The following CACNA2D1 variants were observed in gnomAD, a reference collection of about 807,000 sequenced individuals.
CACNA2D1 encodes the protein calcium voltage-gated channel auxiliary subunit alpha2delta 1.
Under a neutral mutation model 171.5 loss-of-function variants are expected in CACNA2D1, and 53 were observed. That is an observed-to-expected ratio of 0.31 (90% confidence interval 0.25 to 0.39). The LOEUF is 0.39. Among genes scored for constraint, CACNA2D1 ranks in the 10% least tolerant of loss-of-function variants. The probability of loss-of-function intolerance (pLI) is 1.00; values close to 1 mark genes in which losing one functional copy is unlikely to be tolerated. For missense variants in CACNA2D1, 903 were observed against 1,299.8 expected, an observed-to-expected ratio of 0.69 and a Z score of 4.69; for synonymous variants, 442 against 443.1, an observed-to-expected ratio of 1.00 and a Z score of 0.03.
intron 26 of CACNA2D1, 115 bp from the exon 27 acceptor site, chr7:81,970,852 A>G (rs566275476): frequency 6.8e-6 from 5 of 738,998 alleles, no homozygotes; most frequent in Non-Finnish European, 1.3e-5. Flanking sequence ...ATATATCAAT[A>G]GATACACAAC....
intron 3 of CACNA2D1, among the ~76,000 whole-genome samples, chr7:82,202,627 G>A (rs1296032483): frequency 1.3e-5 from 2 of 151,692 alleles, no homozygotes; most frequent in Admixed American, 6.6e-5. Context: ...TACACACTCA[G>A]CCCCTGAGGG....
chr7:82,104,162 A>G (rs1249775794), intron 6 of CACNA2D1, among the ~76,000 whole-genome samples: 2 of 152,076 alleles, frequency 1.3e-5, no homozygotes, highest in Admixed American at 1.3e-4. Flanking sequence ...AATTAATTGT[A>G]TAATTCATCA....
At chr7:82,314,727 G>A (rs915010227) in intron 3 of CACNA2D1, among the ~76,000 whole-genome samples, 6 of 151,548 alleles carry the variant, frequency 4.0e-5, no homozygotes, top group Non-Finnish European at 8.8e-5. Flanking sequence ...CTTCTCTCCG[G>A]ACTAAAAAAA....
chr7:82,066,352 T>C, intron 8 of CACNA2D1, 103 bp downstream of exon 8: 1 of 1,415,918 alleles, frequency 7.1e-7, no homozygotes, highest in Non-Finnish European at 9.6e-7. Flanking sequence ...TCACTTTCAA[T>C]AAGTAGTTAA....
In CACNA2D1 at chr7:82,117,159, G is replaced by A. The variant is rs1380239660; in HGVS notation, c.411C>T (p.Asp137=). 1.9e-6 allele frequency: 3 copies of A among 1,613,594 alleles called. No homozygotes were observed. Among genetic ancestry groups the A allele is most frequent in the East Asian group, 2.2e-5 (1 of 44,858 alleles). ...AKDDLDPEKN[D]SEPGSQRIKP... ...TTATCCTCTGGCTGCCTGGCTCACTGTCATTTTTCTCAGGCTATATAGAAA... is the reference window on the plus strand; with the variant it reads ...TTATCCTCTGGCTGCCTGGCTCACTATCATTTTTCTCAGGCTATATAGAAA... Residue 137 remains aspartate, a synonymous_variant, in exon 6 of 39, where the codon GAC becomes GAT. Coordinates refer to ENST00000356860, the MANE Select transcript of CACNA2D1 (RefSeq NM_000722.4).
At position 82,443,583 on chromosome 7, in the gene CACNA2D1, C is replaced by A. The variant is rs1191433150; in HGVS notation, c.-124G>T. 6.9e-7 allele frequency: 1 copy of A among 1,447,238 alleles called. No individual in the cohort carries two copies. The highest frequency in any genetic ancestry group is 1.4e-5 in the South Asian group (1 of 72,140). 89.6% of individuals were successfully genotyped at this position (1,447,238 alleles called of 1,614,324 possible). A position where few individuals can be genotyped will look rare whatever the true frequency, so the allele number is the denominator to read the frequency against. On this transcript the variant is annotated 5_prime_UTR_variant, in exon 1 of 39. Coordinates refer to ENST00000356860, the MANE Select transcript of CACNA2D1 (RefSeq NM_000722.4). ...CCGCGGGCGTCTGGAGGGCTGGCTG[C>A]GCCCGGGGCCCGAGGCGCGGAGCCG...
At chr7:81,989,609 C>T (rs1286919343) in intron 21 of CACNA2D1, among the ~76,000 whole-genome samples, 2 of 152,146 alleles carry the variant, frequency 1.3e-5, no homozygotes, top group African/African-American at 2.4e-5. Flanking sequence ...TGCCAGCTAC[C>T]GCTAAGGCCC....
chr7:82,147,694 T>C (rs1793304979), intron 4 of CACNA2D1, among the ~76,000 whole-genome samples: 1 of 152,174 alleles, frequency 6.6e-6, no homozygotes, highest in African/African-American at 2.4e-5. Context: ...ATATTAGCCC[T>C]TCCTCTCCAG....
chr7:81,956,284 G>A (rs572968126), intron 38 of CACNA2D1, among the ~76,000 whole-genome samples: 8 of 151,824 alleles, frequency 5.3e-5, no homozygotes, highest in African/African-American at 9.7e-5. Context: ...GTTGCTATAA[G>A]TTTTTAAGAG....
intron 3 of CACNA2D1, among the ~76,000 whole-genome samples, chr7:82,243,071 A>G (rs903096527): frequency 6.6e-6 from 1 of 152,138 alleles, no homozygotes; most frequent in Non-Finnish European, 1.5e-5. Context: ...TGTTAAACAG[A>G]TATTTGCATT....
intron 1 of CACNA2D1, among the ~76,000 whole-genome samples, chr7:82,400,991 C>A (rs981722832): frequency 6.6e-6 from 1 of 152,130 alleles, no homozygotes; most frequent in African/African-American, 2.4e-5. Flanking sequence ...AAATGCAAAT[C>A]AAAACCACAA....
intron 38 of CACNA2D1, among the ~76,000 whole-genome samples, chr7:81,955,026 C>T (rs545625798): frequency 6.6e-6 from 1 of 152,070 alleles, no homozygotes; most frequent in African/African-American, 2.4e-5. Context: ...ATTGGGTTTG[C>T]ATAAAATAAT....
At chr7:81,971,984 T>C (rs570404885) in intron 25 of CACNA2D1, 120 bp from the exon 26 acceptor site, 15 of 673,836 alleles carry the variant, frequency 2.2e-5, no homozygotes, top group Middle Eastern at 3.3e-4. Context: ...TTTTAAAATA[T>C]ATTCCACATT....
At chr7:81,993,377 A>C (rs918555769) in intron 20 of CACNA2D1, among the ~76,000 whole-genome samples, 1 of 152,146 alleles carries the variant, frequency 6.6e-6, no homozygotes, top group African/African-American at 2.4e-5. Flanking sequence ...ATGGTACAAG[A>C]AAGGTTCTAT....
chr7:82,064,798 A>G (rs1476970058), intron 8 of CACNA2D1, among the ~76,000 whole-genome samples: 2 of 152,148 alleles, frequency 1.3e-5, no homozygotes, highest in Non-Finnish European at 2.9e-5. Context: ...AAAGAAATAT[A>G]ACTGGCCAAT....
intron 23 of CACNA2D1, 163 bp from the exon 24 acceptor site, chr7:81,982,790 A>G: frequency 1.5e-6 from 1 of 687,520 alleles, no homozygotes; most frequent in Non-Finnish European, 2.6e-6. Flanking sequence ...AATGTCCTCA[A>G]TGCTTCCCAA....
At chr7:82,433,583 A>C (rs1438581545) in intron 1 of CACNA2D1, among the ~76,000 whole-genome samples, 14 of 152,292 alleles carry the variant, frequency 9.2e-5, no homozygotes, top group Admixed American at 8.5e-4. Context: ...CATTGTGTTT[A>C]GTCTTGATCC....
At position 81,990,006 on chromosome 7, in the gene CACNA2D1, A is replaced by G. The variant is rs571871853; in HGVS notation, c.1796+1179T>C. On this transcript the variant is annotated intron_variant, in intron 21 of 38. Transcript: ENST00000356860. ...TTGGATGAAAAATTCTCATGTAAAG[A>G]CTATGAAGGCATTGCAGACTTGACA... Among the ~76,000 whole-genome samples the G allele has an allele frequency of 2.0e-5, 3 of 152,292 alleles. No individual in the cohort carries two copies. The East Asian group carries it at 5.8e-4, about 29-fold the overall frequency.
chr7:82,236,863 T>G (rs544924693), intron 3 of CACNA2D1, among the ~76,000 whole-genome samples: 2 of 152,090 alleles, frequency 1.3e-5, no homozygotes, highest in East Asian at 3.9e-4. Flanking sequence ...TAGGTGATAT[T>G]AACTCTAAAT....
Sources: gnomAD v4.1 joint callset for allele counts (sites outside exome capture counted in the v4.1 genomes callset) on GRCh38, gnomAD v4.1.1 for gene constraint, MANE v1.5 for transcripts, NCBI Gene and HGNC (gene_info 2026-07-23, HGNC 2026-07-21) for gene names.